Variants in SGPL1 observed in about 807,000 individuals in gnomAD.
SGPL1 encodes the protein sphingosine-1-phosphate lyase 1, also known as SP-lyase 1.
In SGPL1, 37 loss-of-function variants were observed where a neutral mutation model predicts 68.9. The ratio of observed to expected loss-of-function variants is 0.54; its 90% CI spans 0.41 to 0.71. The LOEUF is 0.71. Among genes scored for constraint, SGPL1 ranks in the 30% least tolerant of loss-of-function variants. The probability of loss-of-function intolerance (pLI) is 0.00; values close to 1 mark genes in which losing one functional copy is unlikely to be tolerated. For synonymous variants in SGPL1, 236 were observed against 248.5 expected (o/e 0.95, Z 0.47); for missense variants, 551 against 704.6 (o/e 0.78, Z 2.47).
At chr10:70,833,340 G>A (rs1453411165) in intron 2 of SGPL1, among the ~76,000 whole-genome samples, 1 of 152,176 alleles carries the variant, frequency 6.6e-6, no homozygotes, top group East Asian at 1.9e-4. Flanking sequence ...GACTCACATA[G>A]TGGAATTTTG....
rs1409676552 is a variant in SGPL1, at chr10:70,867,009, A to T, written c.616-1336A>T. Among the ~76,000 whole-genome samples the T allele has an allele frequency of 2.0e-5, 3 of 152,202 alleles. No homozygotes were observed. In the East Asian group the frequency reaches 5.8e-4, roughly 29 times the overall value. ...AGAAAGTTTTACTTCTTATCAACAG[A>T]TGCTAATGTATGACATTGAGTGAAA... On this transcript the variant is annotated intron_variant, in intron 7 of 14. Coordinates refer to ENST00000373202, the MANE Select transcript of SGPL1 (RefSeq NM_003901.4).
chr10:70,839,291 G>A (rs1564621225), intron 2 of SGPL1, among the ~76,000 whole-genome samples: 5 of 150,504 alleles, frequency 3.3e-5, no homozygotes. Flanking sequence ...ATAAGAGTTT[G>A]TTTTTTTCTT....
chr10:70,818,617 AG>A (rs951441531), intron 2 of SGPL1, among the ~76,000 whole-genome samples: 1 of 152,310 alleles, frequency 6.6e-6, no homozygotes, highest in South Asian at 2.1e-4. Flanking sequence ...TAAGGTCTGC[AG>A]GGGGGCTAAA....
intron 2 of SGPL1, among the ~76,000 whole-genome samples, chr10:70,822,795 C>CTTT (rs79983712): frequency 7.3e-6 from 1 of 136,088 alleles, no homozygotes; most frequent in Non-Finnish European, 1.6e-5. Flanking sequence ...CATTATCACT[C>CTTT]TTTTTTTTTT....
intron 2 of SGPL1, among the ~76,000 whole-genome samples, chr10:70,838,541 G>A (rs1418550588): frequency 6.6e-6 from 1 of 152,198 alleles, no homozygotes; most frequent in Non-Finnish European, 1.5e-5. Context: ...TCACAAAAAT[G>A]TTAAGAGAAT....
chr10:70,857,780 T>G, intron 6 of SGPL1, 90 bp downstream of exon 6: 1 of 785,824 alleles, frequency 1.3e-6, no homozygotes, highest in Non-Finnish European at 2.0e-6. Context: ...ATTAGAAAAA[T>G]TACTTAAGGA....
intron 3 of SGPL1, among the ~76,000 whole-genome samples, chr10:70,847,346 G>T (rs143573123): frequency 6.6e-6 from 1 of 151,692 alleles, no homozygotes; most frequent in Non-Finnish European, 1.5e-5. Flanking sequence ...ATGGGGTTTC[G>T]CCATGTTGGC....
intron 6 of SGPL1, among the ~76,000 whole-genome samples, 195 bp downstream of exon 6, chr10:70,857,885 A>G (rs894331177): frequency 6.6e-6 from 1 of 152,256 alleles, no homozygotes; most frequent in Admixed American, 6.5e-5. Context: ...AGTCTGTAAA[A>G]TAGTAAAATG....
At chr10:70,843,226 G>A (rs1845743850) in intron 2 of SGPL1, among the ~76,000 whole-genome samples, 1 of 152,042 alleles carries the variant, frequency 6.6e-6, no homozygotes, top group East Asian at 1.9e-4. Context: ...CCCCTGAGAA[G>A]TTTTCGTGAT....
intron 7 of SGPL1, chr10:70,866,685 T>C (rs985684487): frequency 6.6e-6 from 1 of 152,206 alleles, no homozygotes; most frequent in Non-Finnish European, 1.5e-5. Flanking sequence ...ATGCTGCTGA[T>C]TTGCAGAGCT....
In SGPL1 at chr10:70,879,926, A is replaced by G. The variant is rs537315182; in HGVS notation, c.*2591A>G. The G allele has an allele frequency of 6.5e-6, 1 of 152,700 alleles. No homozygotes were observed. The highest frequency in any genetic ancestry group is 2.4e-5 in the African/African-American group (1 of 41,552). The allele number at this position is 152,700 out of a possible 1,614,324, so 9.5% of individuals were successfully genotyped here. ...ACTGTCTTGTTTCTGCATTAGACTT[A>G]AGTAGTCATGTGAATATACTGCTAT... On this transcript the variant is annotated 3_prime_UTR_variant, in exon 15 of 15. Transcript: ENST00000373202.
chr10:70,824,479 T>C (rs546834213), intron 2 of SGPL1, among the ~76,000 whole-genome samples: 45 of 152,340 alleles, frequency 3.0e-4, no homozygotes, highest in African/African-American at 1.1e-3. Context: ...GAAAGAGCAA[T>C]ACCTATATTA....
rs1415896452 is a variant in SGPL1, at chr10:70,879,508, T to A, written c.*2173T>A. On this transcript the variant is annotated 3_prime_UTR_variant, in exon 15 of 15. Coordinates refer to ENST00000373202, the MANE Select transcript of SGPL1 (RefSeq NM_003901.4). ...TGGCAGGCACCTCTTTGAGAGTAGCTGTGGTCAGAGCTGTTTGGTCAGTGC... is the reference window on the plus strand; with the variant it reads ...TGGCAGGCACCTCTTTGAGAGTAGCAGTGGTCAGAGCTGTTTGGTCAGTGC... 3 of 152,700 alleles carry A rather than the reference T, an allele frequency of 2.0e-5. No homozygotes were observed. The highest frequency in any genetic ancestry group is 4.4e-5 in the Non-Finnish European group (3 of 68,482). 9.5% of individuals were successfully genotyped at this position (152,700 alleles called of 1,614,324 possible).
At chr10:70,869,405 T>G (rs1456327442) in intron 8 of SGPL1, 1 of 155,102 alleles carries the variant, frequency 6.4e-6, no homozygotes, top group Non-Finnish European at 1.4e-5. Flanking sequence ...CCGGGAAGCC[T>G]TCTTCTCATT....
chr10:70,820,659 C>T (rs553133975), intron 2 of SGPL1, among the ~76,000 whole-genome samples: 56 of 151,814 alleles, frequency 3.7e-4, no homozygotes, highest in Admixed American at 9.8e-4. Context: ...CTTGTATTCC[C>T]GGCTATTTAG....
chr10:70,817,779 T>A (rs895513399), intron 2 of SGPL1, among the ~76,000 whole-genome samples: 3 of 152,268 alleles, frequency 2.0e-5, no homozygotes, highest in African/African-American at 7.2e-5. Context: ...CTTCTTTGTT[T>A]AGAGATGAAT....
chr10:70,849,189 C>A (rs1845837492), intron 3 of SGPL1, among the ~76,000 whole-genome samples: 1 of 152,168 alleles, frequency 6.6e-6, no homozygotes, highest in South Asian at 2.1e-4. Context: ...TTTTAGACTT[C>A]TTTTTACCTC....
At chr10:70,840,507 G>A (rs1380024541) in intron 2 of SGPL1, among the ~76,000 whole-genome samples, 1 of 152,010 alleles carries the variant, frequency 6.6e-6, no homozygotes, top group Non-Finnish European at 1.5e-5. Context: ...AGTGTTGTGA[G>A]TTGCATCTAC....
chr10:70,871,822 G>GT lies in SGPL1; in HGVS notation c.910-9dup, dbSNP rs763432823. On this transcript the variant is annotated splice_polypyrimidine_tract_variant and intron_variant, in intron 10 of 14. Coordinates refer to ENST00000373202, the MANE Select transcript of SGPL1 (RefSeq NM_003901.4). The stretch of plus-strand genomic sequence containing the variant: ...TAAAGGAAATTCTCTTATGTTCTTT[G>GT]TTTTTTGGAACAAGCTGGCTGTCAA... 4.3e-6 allele frequency: 7 copies of GT among 1,611,538 alleles called. No homozygotes were observed. The highest frequency in any genetic ancestry group is 2.2e-5 in the East Asian group (1 of 44,824).
Sources: gnomAD v4.1 joint callset for allele counts (sites outside exome capture counted in the v4.1 genomes callset) on GRCh38, gnomAD v4.1.1 for gene constraint, MANE v1.5 for transcripts, NCBI Gene and HGNC (gene_info 2026-07-23, HGNC 2026-07-21) for gene names.